The following C11orf21 variants were observed in gnomAD, a reference collection of about 807,000 sequenced individuals.
C11orf21 encodes chromosome 11 open reading frame 21.
C11orf21 carries 19 observed loss-of-function variants against 15.2 expected under a neutral mutation model. The ratio of observed to expected loss-of-function variants is 1.25; its 90% CI spans 0.87 to 1.84. The LOEUF is 1.84. C11orf21 is among the 40% of genes most tolerant of loss of function. The pLI is 0.00. For missense variants in C11orf21, 171 were observed against 174.4 expected (o/e 0.98, Z 0.11); for synonymous variants, 62 against 66.8 (o/e 0.93, Z 0.35).
rs1286116012 is a variant in C11orf21 at position 2,299,527 on chromosome 11, C to T, written c.328G>A (p.Asp110Asn). 2.6e-6 allele frequency: 4 copies of T among 1,550,632 alleles called. No homozygotes were observed. Among genetic ancestry groups the T allele is most frequent in the Non-Finnish European group, 1.7e-6 (2 of 1,146,986 alleles). Residue 110 changes from aspartate to asparagine, a missense_variant, in exon 3 of 4, where the codon GAC (aspartate) becomes AAC (asparagine). Physicochemically the swap from Asp to Asn is conservative, Grantham distance 23 (BLOSUM62 1). Coordinates refer to ENST00000381153, the MANE Select transcript of C11orf21 (RefSeq NM_001329958.2). ...CCAGAGGAGGGGCCTGCTTCTAAGT[C>T]CAAGTCCCATCCCAGCCGGATAGCC... ...PLAIRLGWDL[D>N]LEAGPSSGKL...
chr11:2,301,712 A>G, intron 1 of C11orf21, 44 bp downstream of exon 1: 1 of 1,489,702 alleles, frequency 6.7e-7, no homozygotes, highest in Non-Finnish European at 9.0e-7. Flanking sequence ...TTACGCCCCC[A>G]AGGCCCAGTC....
At chr11:2,300,389 C>T (rs904094338) in intron 2 of C11orf21, 131 bp downstream of exon 2, 4 of 655,588 alleles carry the variant, frequency 6.1e-6, no homozygotes, top group East Asian at 2.7e-5. Context: ...CAGTGGCTTC[C>T]CCTCAACAAG....
At position 2,299,423 on chromosome 11, in the gene C11orf21, C is replaced by T; in HGVS notation, c.*28+5G>A. ...AGGCTCCAGCCTCAGAGCCCGGCTG[C>T]TCACCTCTGATGGACAGAAAAGGGT... is the stretch of plus-strand genomic sequence containing the variant. On this transcript the variant is annotated splice_donor_5th_base_variant and intron_variant, in intron 3 of 3. Coordinates refer to ENST00000381153, the MANE Select transcript of C11orf21 (RefSeq NM_001329958.2). 1 of 1,546,462 alleles carries T rather than the reference C, an allele frequency of 6.5e-7. No individual in the cohort carries two copies. Among genetic ancestry groups the T allele is most frequent in the South Asian group, 1.2e-5 (1 of 84,008 alleles).
At chr11:2,298,442 G>A (rs1847581944) in intron 3 of C11orf21, among the ~76,000 whole-genome samples, 1 of 152,218 alleles carries the variant, frequency 6.6e-6, no homozygotes, top group Admixed American at 6.5e-5. Flanking sequence ...CAGGAATGGG[G>A]CAGGAAGCTT....
At position 2,301,445 on chromosome 11, in the gene C11orf21, G is replaced by A. The variant is rs544120823; in HGVS notation, c.53+311C>T. 37 of 284,094 alleles carry A rather than the reference G, an allele frequency of 1.3e-4. 1 individual carries two copies. Among genetic ancestry groups the A allele is most frequent in the South Asian group, 1.2e-3 (21 of 17,076 alleles). 17.6% of individuals were successfully genotyped at this position (284,094 alleles called of 1,614,324 possible). A position where few individuals can be genotyped will look rare whatever the true frequency, so the allele number is the denominator to read the frequency against. On this transcript the variant is annotated intron_variant, in intron 1 of 3. Transcript: ENST00000381153. ...TGCCCCCACCCATACGTAATTACAC[G>A]GCTCGGTGTAATTGCAAATTCGAGG...
rs1187482671 is a variant in C11orf21 at position 2,300,557 on chromosome 11, C to T, written c.110G>A (p.Arg37Lys). Reference protein sequence around the residue: ...SSQSGVEPPDRWTGTPGWPSR... With the variant: ...SSQSGVEPPDKWTGTPGWPSR... ...GGGCCAGCCGGGGGTTCCCGTCCAC[C>T]TGTCAGGGGGTTCGACGCCACTTTG... Residue 37 changes from arginine (R) to lysine (K), a missense_variant, in exon 2 of 4, where the codon AGG (arginine) becomes AAG (lysine). By Grantham distance (26) the Arg-to-Lys change is conservative. Transcript: ENST00000381153. 1.3e-6 allele frequency: 2 copies of T among 1,549,368 alleles called. No individual in the cohort carries two copies. Among genetic ancestry groups the T allele is most frequent in the Non-Finnish European group, 1.7e-6 (2 of 1,146,500 alleles).
chr11:2,300,640 C>T (rs375346556), intron 1 of C11orf21, 27 bp from the exon 2 acceptor site: 12 of 1,550,650 alleles, frequency 7.7e-6, no homozygotes, highest in Admixed American at 5.9e-5. Flanking sequence ...GCCATCAGGA[C>T]AGGTCAAGAA....
rs1847770334 is a variant in C11orf21 at position 2,301,856 on chromosome 11, G to A, written c.-48C>T. On this transcript the variant is annotated 5_prime_UTR_variant, in exon 1 of 4. Transcript: ENST00000381153. ...TCCTCAGTGGCCACACCAAGAACGA[G>A]GCCATGTCTTCCTGGGAAGGGCCTC... 1 of 1,550,396 alleles carries A rather than the reference G, an allele frequency of 6.4e-7. No individual in the cohort carries two copies. Among genetic ancestry groups the A allele is most frequent in the Non-Finnish European group, 8.7e-7 (1 of 1,146,920 alleles).
At chr11:2,302,154 G>A, upstream of C11orf21, 1 of 1,450,846 alleles carries the variant, frequency 6.9e-7, no homozygotes, top group Non-Finnish European at 9.1e-7. Context: ...ACCGTCATGG[G>A]GCCTTGGAGT....
intron 1 of C11orf21, 47 bp from the exon 2 acceptor site, chr11:2,300,660 G>T (rs1299664813): frequency 3.2e-6 from 5 of 1,549,826 alleles, no homozygotes; most frequent in East Asian, 2.4e-5. Flanking sequence ...ACCCAGGCCC[G>T]CCCTGCTCCG....
chr11:2,301,637 G>A, intron 1 of C11orf21, 119 bp downstream of exon 1: 1 of 825,224 alleles, frequency 1.2e-6, no homozygotes, highest in Non-Finnish European at 1.8e-6. Context: ...CATTTCAAAG[G>A]GTGTTTCCTA....
At chr11:2,302,448 C>T (rs964163405), upstream of C11orf21, among the ~76,000 whole-genome samples, 3 of 152,088 alleles carry the variant, frequency 2.0e-5, no homozygotes, top group Non-Finnish European at 4.4e-5. Context: ...CTGGAGGAGG[C>T]CTGAGTGGGG....
At position 2,296,453 on chromosome 11, in the gene C11orf21, G is replaced by A. The variant is rs1439737755; in HGVS notation, c.*1497C>T. On this transcript the variant is annotated 3_prime_UTR_variant, in exon 4 of 4. Transcript: ENST00000381153. The surrounding 1 kb of genome is among the most constrained non-coding windows in gnomAD (Gnocchi z 5.6). Reference sequence around the variant, plus strand: ...ACTATTAGATCCGATGGGTGTTTGTGTCCCCAGGAGTGGGTGTCAGGTTAG... The same window carrying A: ...ACTATTAGATCCGATGGGTGTTTGTATCCCCAGGAGTGGGTGTCAGGTTAG... The A allele has an allele frequency of 6.6e-6, 1 of 152,176 alleles. No individual in the cohort carries two copies. Among genetic ancestry groups the A allele is most frequent in the Non-Finnish European group, 1.5e-5 (1 of 68,046 alleles). The allele number at this position is 152,176 out of a possible 1,614,324, so 9.4% of individuals were successfully genotyped here.
rs1369594487 is a variant in C11orf21, at chr11:2,296,616, C to T, written c.*1334G>A. On this transcript the variant is annotated 3_prime_UTR_variant, in exon 4 of 4. Transcript: ENST00000381153. This position sits in a 1 kb window ranked among gnomAD's most constrained non-coding sequence, Gnocchi z 5.6. Reference sequence around the variant, plus strand: ...TTGTAGGAGTATGGCAAGGTCCTTCCTCAGGGGCACCCAGTCCTCCTTCAC... The same window carrying T: ...TTGTAGGAGTATGGCAAGGTCCTTCTTCAGGGGCACCCAGTCCTCCTTCAC... The T allele has an allele frequency of 6.6e-6, 1 of 152,254 alleles. No individual in the cohort carries two copies. The highest frequency in any genetic ancestry group is 1.5e-5 in the Non-Finnish European group (1 of 68,056). The allele number at this position is 152,254 out of a possible 1,614,324, so 9.4% of individuals were successfully genotyped here.
rs1335658370 is a variant in C11orf21 at position 2,296,802 on chromosome 11, G to A, written c.*1148C>T. On this transcript the variant is annotated 3_prime_UTR_variant, in exon 4 of 4. Transcript: ENST00000381153. The surrounding 1 kb of genome is among the most constrained non-coding windows in gnomAD (Gnocchi z 5.6). ...CCGGGGCCTCGTGGCCACCCCCACT[G>A]GGCTGTGCCCTGCCTCCTTAAAGAC... The A allele has an allele frequency of 6.6e-6, 1 of 152,384 alleles. No homozygotes were observed. The highest frequency in any genetic ancestry group is 1.5e-5 in the Non-Finnish European group (1 of 68,190). The allele number at this position is 152,384 out of a possible 1,614,324, so 9.4% of individuals were successfully genotyped here. A position where few individuals can be genotyped will look rare whatever the true frequency, so the allele number is the denominator to read the frequency against.
chr11:2,298,028 C>T (rs1398458939), intron 3 of C11orf21, 107 bp from the exon 4 acceptor site: 1 of 152,200 alleles, frequency 6.6e-6, no homozygotes, highest in East Asian at 1.9e-4. Flanking sequence ...CCTCATCTGT[C>T]CCTAATTACC....
rs571232412 is a variant in C11orf21 at position 2,296,683 on chromosome 11, C to T, written c.*1267G>A. ...GGAGGCCACCCATTGCTCCAGCTCC[C>T]GTGGCACCGTGAGCCACCGGCCAAG... is the stretch of plus-strand genomic sequence containing the variant. On this transcript the variant is annotated 3_prime_UTR_variant, in exon 4 of 4. Transcript: ENST00000381153. This position sits in a 1 kb window ranked among gnomAD's most constrained non-coding sequence, Gnocchi z 5.6. 2.6e-5 allele frequency: 4 copies of T among 152,504 alleles called. No homozygotes were observed. Among genetic ancestry groups the T allele is most frequent in the East Asian group, 1.9e-4 (1 of 5,174 alleles). The allele number at this position is 152,504 out of a possible 1,614,324, so 9.4% of individuals were successfully genotyped here.
In C11orf21 at chr11:2,296,014, A is replaced by G. The variant is rs1024797464; in HGVS notation, c.*1936T>C. The G allele has an allele frequency of 6.6e-6, 1 of 152,186 alleles. No homozygotes were observed. Among genetic ancestry groups the G allele is most frequent in the Non-Finnish European group, 1.5e-5 (1 of 68,044 alleles). 9.4% of individuals were successfully genotyped at this position (152,186 alleles called of 1,614,324 possible). ...AGTCATATCTGGAACAGCAGTTGCA[A>G]TTGGAGTCCTGGTTAAGTTTACCAG... On this transcript the variant is annotated 3_prime_UTR_variant, in exon 4 of 4. Transcript: ENST00000381153. This position sits in a 1 kb window ranked among gnomAD's most constrained non-coding sequence, Gnocchi z 5.6.
chr11:2,298,438 T>A (rs180797341), intron 3 of C11orf21, among the ~76,000 whole-genome samples: 43 of 152,302 alleles, frequency 2.8e-4, no homozygotes, highest in Middle Eastern at 6.8e-3. Flanking sequence ...CCACCAGGAA[T>A]GGGGCAGGAA....
Sources: gnomAD v4.1 joint callset for allele counts (sites outside exome capture counted in the v4.1 genomes callset) on GRCh38, gnomAD v4.1.1 for gene constraint, Gnocchi (gnomAD v3.1) non-coding constraint, MANE v1.5 for transcripts, NCBI Gene and HGNC (gene_info 2026-07-23, HGNC 2026-07-21) for gene names.